PYGL: variants seen among roughly 807,000 people sequenced by gnomAD.
PYGL encodes glycogen phosphorylase, liver form.
In PYGL, 90 loss-of-function variants were observed where a neutral mutation model predicts 100.1. The ratio of observed to expected loss-of-function variants is 0.90; its 90% CI spans 0.76 to 1.07. The LOEUF (loss-of-function observed/expected upper bound fraction) is 1.07. Among genes scored for constraint, PYGL ranks in the 50% least tolerant of loss-of-function variants. The pLI is 0.00. For synonymous variants in PYGL, 373 were observed against 393.0 expected, an observed-to-expected ratio of 0.95 and a Z score of 0.60; for missense variants, 1,016 against 1,057.6, an observed-to-expected ratio of 0.96 and a Z score of 0.55.
intron 4 of PYGL, among the ~76,000 whole-genome samples, chr14:50,924,883 C>T (rs1325195820): frequency 6.6e-6 from 1 of 152,094 alleles, no homozygotes; most frequent in Non-Finnish European, 1.5e-5. Flanking sequence ...TTTTCATTTG[C>T]AACAAACAAA....
At position 50,940,333 on chromosome 14, in the gene PYGL, G is replaced by C. The variant is rs74504186; in HGVS notation, c.244-2496C>G. The stretch of plus-strand genomic sequence containing the variant: ...TTTATATAGTATATATTCCACACTT[G>C]CAATTGTGAGGTTATACCCCCAGGA... On this transcript the variant is annotated intron_variant, in intron 1 of 19. Coordinates refer to ENST00000216392, the MANE Select transcript of PYGL (RefSeq NM_002863.5). 1.2e-4 allele frequency among the ~76,000 whole-genome samples: 18 copies of C among 152,152 alleles called. No individual in the cohort carries two copies. In the East Asian group the frequency reaches 3.3e-3, roughly 28 times the overall value.
chr14:50,917,491 G>A (rs11850781), intron 7 of PYGL, among the ~76,000 whole-genome samples: 31,279 of 152,120 alleles, frequency 0.21, 4,380 homozygotes, highest in African/African-American at 0.41. Context: ...CTCAGGAATT[G>A]GTAGTACCAA....
rs1440359327 is a variant in PYGL at position 50,944,473 on chromosome 14, C to G, written c.-70G>C. On this transcript the variant is annotated 5_prime_UTR_variant, in exon 1 of 20. Transcript: ENST00000216392. Reference sequence around the variant, plus strand: ...AGTGCGGCCGGAGGCGCTGGGCTGCCGGGCAGGGGTGGAGTCCGCCCCGCC... The same window carrying G: ...AGTGCGGCCGGAGGCGCTGGGCTGCGGGGCAGGGGTGGAGTCCGCCCCGCC... The G allele has an allele frequency of 2.0e-6, 3 of 1,514,440 alleles. No individual in the cohort carries two copies. The highest frequency in any genetic ancestry group is 1.2e-5 in the South Asian group (1 of 81,222). The allele number at this position is 1,514,440 out of a possible 1,614,324, so 93.8% of individuals were successfully genotyped here.
intron 7 of PYGL, among the ~76,000 whole-genome samples, chr14:50,920,014 A>G (rs1408382792): frequency 6.6e-6 from 1 of 151,184 alleles, no homozygotes; most frequent in Non-Finnish European, 1.5e-5. Flanking sequence ...ACTAAGCTAT[A>G]TTTACAATAA....
At position 50,908,270 on chromosome 14, in the gene PYGL, C is replaced by T. The variant is rs762829105; in HGVS notation, c.2379+1G>A. The T allele has an allele frequency of 1.3e-6, 2 of 1,581,646 alleles. No individual in the cohort carries two copies. The highest frequency in any genetic ancestry group is 2.2e-5 in the South Asian group (2 of 90,390). On this transcript the variant is annotated splice_donor_variant, in intron 19 of 19. Transcript: ENST00000216392. LOFTEE classifies it high-confidence loss of function. Reference sequence around the variant, plus strand: ...TTTATAAATCTTGGCAATTTACTCACCATGTACAGCTGACTCACTTTATCT... The same window carrying T: ...TTTATAAATCTTGGCAATTTACTCATCATGTACAGCTGACTCACTTTATCT...
Position 50,911,768 on chromosome 14 carries a change from A to G in PYGL, c.1931T>C (p.Ile644Thr). ...AGATACTCTGTAGTTCTCCAAGAAG[A>G]TGACTTTCAACTTGCTTCCAACCAT... is the stretch of plus-strand genomic sequence containing the variant. ...DPMVGSKLKV[I>T]FLENYRVSLA... The change falls in exon 16 of 20, where the codon ATC (isoleucine) becomes ACC (threonine). Residue 644 changes from isoleucine (I) to threonine (T), a missense_variant. By Grantham distance (89) the Ile-to-Thr change is moderately conservative. Coordinates refer to ENST00000216392, the MANE Select transcript of PYGL (RefSeq NM_002863.5). 1 of 1,614,206 alleles carries G rather than the reference A, an allele frequency of 6.2e-7. No homozygotes were observed. The highest frequency in any genetic ancestry group is 2.2e-5 in the East Asian group (1 of 44,880).
Position 50,915,481 on chromosome 14 carries a change from G to A in PYGL, c.1258C>T (p.Pro420Ser). The part of the protein sequence containing the change: ...KHLDRIVALF[P>S]KDVDRLRRMS... ...CTTCTCAGACGGTCCACATCTTTAGGAAACAAGGCCACAATTCTCTAGCCA... is the reference window on the plus strand; with the variant it reads ...CTTCTCAGACGGTCCACATCTTTAGAAAACAAGGCCACAATTCTCTAGCCA... Residue 420 changes from proline to serine, a missense_variant, in exon 11 of 20, where the codon CCT becomes TCT. Pro to Ser is a moderately conservative substitution (Grantham distance 74). Coordinates refer to ENST00000216392, the MANE Select transcript of PYGL (RefSeq NM_002863.5). 6.2e-7 allele frequency: 1 copy of A among 1,614,140 alleles called. No homozygotes were observed.
intron 19 of PYGL, among the ~76,000 whole-genome samples, chr14:50,905,893 C>G (rs1217567861): frequency 9.2e-5 from 14 of 152,116 alleles, no homozygotes; most frequent in Admixed American, 9.2e-4. Context: ...AAGATGCTTC[C>G]CTTTAAACTA....
At chr14:50,915,531 C>A in intron 10 of PYGL, 32 bp from the exon 11 acceptor site, 1 of 1,613,270 alleles carries the variant, frequency 6.2e-7, no homozygotes, top group South Asian at 1.1e-5. Context: ...CCTTGCTGGT[C>A]ACTCAGGTTT....
At chr14:50,938,359 C>T (rs112275199) in intron 1 of PYGL, among the ~76,000 whole-genome samples, 16 of 151,094 alleles carry the variant, frequency 1.1e-4, no homozygotes, top group Non-Finnish European at 1.6e-4. Flanking sequence ...TACAGGCATG[C>T]GCCACCATGC....
intron 2 of PYGL, 99 bp from the exon 3 acceptor site, chr14:50,935,284 T>A: frequency 3.0e-6 from 3 of 986,958 alleles, no homozygotes; most frequent in Non-Finnish European, 4.8e-6. Flanking sequence ...TATTCAGGTT[T>A]AGCTGTGTAC....
intron 11 of PYGL, 107 bp downstream of exon 11, chr14:50,915,229 C>T: frequency 3.9e-6 from 5 of 1,275,876 alleles, no homozygotes; most frequent in South Asian, 2.4e-5. Flanking sequence ...TACTTTTAAA[C>T]ATTTGAACAA....
In PYGL at chr14:50,912,189, A is replaced by G; in HGVS notation, c.1735T>C (p.Leu579=). The G allele has an allele frequency of 1.2e-6, 2 of 1,614,210 alleles. No individual in the cohort carries two copies. Among genetic ancestry groups the G allele is most frequent in the Non-Finnish European group, 1.7e-6 (2 of 1,180,042 alleles). ...ATCGTGATCACATGCAGACAGTTCA[A>G]GAGCTGTCGCTTGTACTCATGTATC... ...KRIHEYKRQL[L]NCLHVITMYN... Residue 579 remains leucine (L), a synonymous_variant, in exon 14 of 20, where the codon TTG becomes CTG. Coordinates refer to ENST00000216392, the MANE Select transcript of PYGL (RefSeq NM_002863.5).
In PYGL at chr14:50,935,440, C is replaced by G. The variant is rs113495698; in HGVS notation, c.346-255G>C. ...TTGACTCTGTTACTTCTTACATGAC[C>G]CTGGGCAAGCTACTAACTCTATGCC... is the stretch of plus-strand genomic sequence containing the variant. On this transcript the variant is annotated intron_variant, in intron 2 of 19. Transcript: ENST00000216392. 3.6e-3 allele frequency among the ~76,000 whole-genome samples: 542 copies of G among 152,232 alleles called. 4 individuals are homozygous for G. Among genetic ancestry groups the G allele is most frequent in the Admixed American group, 7.7e-3 (118 of 15,290 alleles).
chr14:50,915,805 A>T lies in PYGL; in HGVS notation c.1239+20T>A. On this transcript the variant is annotated intron_variant, in intron 10 of 19. Coordinates refer to ENST00000216392, the MANE Select transcript of PYGL (RefSeq NM_002863.5). ...AGATCTTATGCTCATGAACAGAGAA[A>T]ATCTCTCAAAATGACTTACATCTAA... 6.2e-7 allele frequency: 1 copy of T among 1,610,870 alleles called. No individual in the cohort carries two copies. Among genetic ancestry groups the T allele is most frequent in the Admixed American group, 1.7e-5 (1 of 60,000 alleles).
chr14:50,920,002 T>TA (rs200478810), intron 7 of PYGL, among the ~76,000 whole-genome samples: 1 of 151,670 alleles, frequency 6.6e-6, no homozygotes, highest in African/African-American at 2.4e-5. Context: ...TTTTTTTTTT[T>TA]AACTAAGCTA....
At chr14:50,910,208 A>G (rs2050380239) in intron 16 of PYGL, 106 bp from the exon 17 acceptor site, 1 of 1,166,884 alleles carries the variant, frequency 8.6e-7, no homozygotes, top group South Asian at 1.3e-5. Flanking sequence ...AAAGTAATAC[A>G]TGCACATTAA....
chr14:50,939,971 A>G (rs74051871), intron 1 of PYGL, among the ~76,000 whole-genome samples: 97 of 152,354 alleles, frequency 6.4e-4, no homozygotes, highest in African/African-American at 2.3e-3. Context: ...GTCAACATCC[A>G]TGACCTAACG....
chr14:50,919,903 C>T (rs567542729), intron 7 of PYGL, among the ~76,000 whole-genome samples: 2 of 151,924 alleles, frequency 1.3e-5, no homozygotes, highest in African/African-American at 2.4e-5. Flanking sequence ...AGGCTGGTCT[C>T]GAACTTCTGG....
Sources: gnomAD v4.1 joint callset for allele counts (sites outside exome capture counted in the v4.1 genomes callset) on GRCh38, gnomAD v4.1.1 for gene constraint, MANE v1.5 for transcripts, NCBI Gene and HGNC (gene_info 2026-07-23, HGNC 2026-07-21) for gene names.